The following SLC2A10 variants were observed in gnomAD, a reference collection of about 807,000 sequenced individuals.
The protein encoded by SLC2A10 is solute carrier family 2, facilitated glucose transporter member 10.
A neutral mutation model predicts 32.1 loss-of-function variants in SLC2A10; 25 were observed. The observed-to-expected ratio is 0.78, with a 90% CI of 0.57 to 1.09. SLC2A10 has a LOEUF of 1.09. SLC2A10 is among the 50% of genes least tolerant of loss of function. The probability of loss-of-function intolerance (pLI) is 0.00; values close to 1 mark genes in which losing one functional copy is unlikely to be tolerated. For missense variants in SLC2A10, 673 were observed against 686.5 expected, an observed-to-expected ratio of 0.98 and a Z score of 0.22; for synonymous variants, 332 against 309.6, an observed-to-expected ratio of 1.07 and a Z score of -0.76.
At position 46,725,661 on chromosome 20, in the gene SLC2A10, C is replaced by A. The variant is rs748662135; in HGVS notation, c.625C>A (p.Leu209Met). 8.7e-6 allele frequency: 14 copies of A among 1,613,934 alleles called. No individual in the cohort carries two copies. Among genetic ancestry groups the A allele is most frequent in the Non-Finnish European group, 1.0e-5 (12 of 1,179,970 alleles). ...ACTCCAGGGAGGTGAGGCCCCCAAG[C>A]TGGGCCCGGGGAGGCCACGGTACTC... is the stretch of plus-strand genomic sequence containing the variant. Reference protein sequence around the residue: ...IPLQGGEAPKLGPGRPRYSFL... With the variant: ...IPLQGGEAPKMGPGRPRYSFL... Residue 209 changes from leucine (L) to methionine (M), a missense_variant, in exon 2 of 5, where the codon CTG becomes ATG. By Grantham distance (15) the Leu-to-Met change is conservative. Coordinates refer to ENST00000359271, the MANE Select transcript of SLC2A10 (RefSeq NM_030777.4).
In SLC2A10 at chr20:46,725,184, C is replaced by T; in HGVS notation, c.148C>T (p.Leu50=). 7 of 1,614,204 alleles carry T rather than the reference C, an allele frequency of 4.3e-6. No individual in the cohort carries two copies. The highest frequency in any genetic ancestry group is 5.9e-6 in the Non-Finnish European group (7 of 1,180,024). Residue 50 remains leucine, a synonymous_variant, in exon 2 of 5, where the codon CTG becomes TTG. Coordinates refer to ENST00000359271, the MANE Select transcript of SLC2A10 (RefSeq NM_030777.4). ...FGLSCLEQEF[L]VGSLLLGALL... is the part of the protein sequence containing the mutation. ...GCTAAGCTGCTTGGAGCAGGAGTTC[C>T]TGGTGGGCAGCCTGCTCCTGGGGGC...
chr20:46,709,326 T>G (rs1450028919), upstream of SLC2A10, among the ~76,000 whole-genome samples: 2 of 152,096 alleles, frequency 1.3e-5, no homozygotes, highest in Non-Finnish European at 2.9e-5. Context: ...GACCAGTGAT[T>G]GGGGCACCTC....
intron 1 of SLC2A10, among the ~76,000 whole-genome samples, chr20:46,721,551 C>T (rs1322310104): frequency 6.6e-6 from 1 of 151,942 alleles, no homozygotes; most frequent in Non-Finnish European, 1.5e-5. Flanking sequence ...CAGAAACCAA[C>T]TCAATCTGAC....
intron 3 of SLC2A10, among the ~76,000 whole-genome samples, chr20:46,727,361 C>G (rs909443291): frequency 1.3e-5 from 2 of 152,120 alleles, no homozygotes; most frequent in Admixed American, 6.5e-5. Flanking sequence ...TGCTCTGTCA[C>G]CCAGGCTGGA....
In SLC2A10 at chr20:46,726,617, C is replaced by G. The variant is rs1979978871; in HGVS notation, c.1289-247C>G. On this transcript the variant is annotated intron_variant, in intron 2 of 4. Transcript: ENST00000359271. ...AGGAATTTAATGAATAGCGTGAAAACCAATCATCCCAGTTCGTCCAAGACT... is the reference window on the plus strand; with the variant it reads ...AGGAATTTAATGAATAGCGTGAAAAGCAATCATCCCAGTTCGTCCAAGACT... Among the ~76,000 whole-genome samples, 3 of 152,192 alleles carry G rather than the reference C, an allele frequency of 2.0e-5. No individual in the cohort carries two copies. In the South Asian group the frequency reaches 6.2e-4, roughly 32 times the overall value.
chr20:46,710,728 G>A (rs940825847), intron 1 of SLC2A10, among the ~76,000 whole-genome samples: 5 of 152,244 alleles, frequency 3.3e-5, no homozygotes, highest in African/African-American at 9.6e-5. Flanking sequence ...CCAGAGCACA[G>A]CGGGCAGGGC....
At chr20:46,711,717 T>C (rs1030551354) in intron 1 of SLC2A10, among the ~76,000 whole-genome samples, 1 of 152,136 alleles carries the variant, frequency 6.6e-6, no homozygotes, top group Non-Finnish European at 1.5e-5. Flanking sequence ...GGACCAGGGA[T>C]TGGGCTCTCT....
rs1202973913 is a variant in SLC2A10 at position 46,729,417 on chromosome 20, C to T, written c.1476C>T (p.Phe492=). The stretch of plus-strand genomic sequence containing the variant: ...TGACCGCTGTCCTCGGCCTGGGCTT[C>T]ATCTATTTATTTGTTCCTGAAACAA... The part of the protein sequence containing the change: ...YGLTAVLGLG[F]IYLFVPETKG... The change falls in exon 4 of 5, where the codon TTC becomes TTT. Residue 492 remains phenylalanine, a synonymous_variant. Coordinates refer to ENST00000359271, the MANE Select transcript of SLC2A10 (RefSeq NM_030777.4). The T allele has an allele frequency of 6.2e-7, 1 of 1,613,910 alleles. No individual in the cohort carries two copies. The highest frequency in any genetic ancestry group is 2.2e-5 in the East Asian group (1 of 44,866).
chr20:46,725,399 C>T lies in SLC2A10; in HGVS notation c.363C>T (p.Ile121=), dbSNP rs1164117855. The T allele has an allele frequency of 1.2e-6, 2 of 1,614,194 alleles. No individual in the cohort carries two copies. The highest frequency in any genetic ancestry group is 1.3e-5 in the African/African-American group (1 of 75,056). Reference sequence around the variant, plus strand: ...CCCTCTCCTCCATGGCTTGCTGTATCTACGTGTCAGAGCTGGTGGGGCCAC... The same window carrying T: ...CCCTCTCCTCCATGGCTTGCTGTATTTACGTGTCAGAGCTGGTGGGGCCAC... The part of the protein sequence containing the change: ...AISLSSMACC[I]YVSELVGPRQ... Residue 121 remains isoleucine (I), a synonymous_variant, in exon 2 of 5, where the codon ATC becomes ATT. Coordinates refer to ENST00000359271, the MANE Select transcript of SLC2A10 (RefSeq NM_030777.4).
At chr20:46,731,841 T>C (rs1980316500) in intron 4 of SLC2A10, among the ~76,000 whole-genome samples, 1 of 152,144 alleles carries the variant, frequency 6.6e-6, no homozygotes, top group South Asian at 2.1e-4. Flanking sequence ...AATGGGATAG[T>C]CTTTTCAGCA....
At chr20:46,721,464 G>A (rs948419574) in intron 1 of SLC2A10, among the ~76,000 whole-genome samples, 2 of 150,820 alleles carry the variant, frequency 1.3e-5, no homozygotes, top group Admixed American at 1.3e-4. Flanking sequence ...GAGAGAGAGA[G>A]ACATTGCAGG....
intron 1 of SLC2A10, among the ~76,000 whole-genome samples, chr20:46,723,965 T>C (rs1979699400): frequency 6.6e-6 from 1 of 152,258 alleles, no homozygotes; most frequent in African/African-American, 2.4e-5. Context: ...ATATAAGTAC[T>C]AACCATTAAT....
chr20:46,714,301 C>G (rs1346900922), intron 1 of SLC2A10, among the ~76,000 whole-genome samples: 6 of 152,130 alleles, frequency 3.9e-5, no homozygotes. Context: ...CTGCCTAGGG[C>G]CCAGGAATTT....
In SLC2A10 at chr20:46,726,855, C is replaced by G; in HGVS notation, c.1289-9C>G. 1 of 1,613,980 alleles carries G rather than the reference C, an allele frequency of 6.2e-7. No individual in the cohort carries two copies. The highest frequency in any genetic ancestry group is 8.5e-7 in the Non-Finnish European group (1 of 1,179,994). ...ACAGCCCAGGAGCCCTCCTGCTCTC[C>G]CACCCTAGTGACCTGGCTTGTCCTC... On this transcript the variant is annotated splice_polypyrimidine_tract_variant and intron_variant, in intron 2 of 4. Transcript: ENST00000359271.
rs1175443141 is a variant in SLC2A10, at chr20:46,736,165, AC to A, written c.*2332del. 1.3e-5 allele frequency: 2 copies of A among 151,816 alleles called. No individual in the cohort carries two copies. Among genetic ancestry groups the A allele is most frequent in the Admixed American group, 1.3e-4 (2 of 15,270 alleles). 9.4% of individuals were successfully genotyped at this position (151,816 alleles called of 1,614,324 possible). On this transcript the variant is annotated 3_prime_UTR_variant, in exon 5 of 5. Transcript: ENST00000359271. ...AGAATATTTACAATAAAGAATATTT[AC>A]AATAAAGAGTTTATTATTATTTGTA...
chr20:46,713,461 G>T (rs752759902), intron 1 of SLC2A10, among the ~76,000 whole-genome samples: 4 of 152,050 alleles, frequency 2.6e-5, no homozygotes, highest in Non-Finnish European at 5.9e-5. Flanking sequence ...AGAGAGGCTG[G>T]CAGGTACCAA....
At chr20:46,709,952 C>T (rs1978813003) in intron 1 of SLC2A10, 6 of 574,762 alleles carry the variant, frequency 1.0e-5, no homozygotes, top group South Asian at 6.7e-5. Flanking sequence ...TTCCTTTCTG[C>T]CCCGGAAAAG....
rs571791823 is a variant in SLC2A10 at position 46,721,215 on chromosome 20, C to T, written c.5-3826C>T. ...ACTCAGATTCAGTGTGAGAGGGAAC[C>T]ACATAAAGGCATAACACCAGGAGGC... On this transcript the variant is annotated intron_variant, in intron 1 of 4. Transcript: ENST00000359271. Among the ~76,000 whole-genome samples the T allele has an allele frequency of 3.3e-5, 5 of 152,214 alleles. No homozygotes were observed. The East Asian group carries it at 9.7e-4, about 29-fold the overall frequency.
At chr20:46,733,052 G>A (rs1980378773) in intron 4 of SLC2A10, among the ~76,000 whole-genome samples, 1 of 152,182 alleles carries the variant, frequency 6.6e-6, no homozygotes, top group Admixed American at 6.5e-5. Context: ...GGCTGAGCAT[G>A]ATGATGGTCT....
Sources: gnomAD v4.1 joint callset for allele counts (sites outside exome capture counted in the v4.1 genomes callset) on GRCh38, gnomAD v4.1.1 for gene constraint, MANE v1.5 for transcripts, NCBI Gene and HGNC (gene_info 2026-07-23, HGNC 2026-07-21) for gene names.